PRKCZ: variants seen among roughly 807,000 people sequenced by gnomAD.
The protein encoded by PRKCZ is protein kinase C zeta.
Under a neutral mutation model 79.5 loss-of-function variants are expected in PRKCZ, and 33 were observed. That is an observed-to-expected ratio of 0.41 (90% CI 0.31 to 0.55). The LOEUF (loss-of-function observed/expected upper bound fraction) is 0.55, where lower values mean the gene tolerates loss of function less well. Ranked by LOEUF, PRKCZ falls within the 20% of genes least tolerant of loss-of-function variation. The pLI is 0.19. For missense variants in PRKCZ, 578 were observed against 813.5 expected (o/e 0.71, Z 3.52); for synonymous variants, 342 against 320.9 (o/e 1.07, Z -0.70).
intron 4 of PRKCZ, among the ~76,000 whole-genome samples, chr1:2,074,465 C>A (rs1056503714): frequency 6.6e-6 from 1 of 152,182 alleles, no homozygotes; most frequent in Admixed American, 6.5e-5. Flanking sequence ...GACGGATGGC[C>A]GCTTCGTCTC....
Position 2,185,232 on chromosome 1 carries a change from G to T in PRKCZ, c.*223G>T, listed in dbSNP as rs1687402109. The T allele has an allele frequency of 1.4e-6, 1 of 709,164 alleles. No individual in the cohort carries two copies. The highest frequency in any genetic ancestry group is 2.6e-6 in the Non-Finnish European group (1 of 382,410). 43.9% of individuals were successfully genotyped at this position (709,164 alleles called of 1,614,324 possible). ...CTTCGTGCTGGAGGAACTTGCTGCT[G>T]TGCCTGCGTCGCGGCGGATCCGCGG... On this transcript the variant is annotated 3_prime_UTR_variant, in exon 18 of 18. Coordinates refer to ENST00000378567, the MANE Select transcript of PRKCZ (RefSeq NM_002744.6).
At chr1:2,121,033 C>T (rs569586740) in intron 4 of PRKCZ, among the ~76,000 whole-genome samples, 81 of 152,198 alleles carry the variant, frequency 5.3e-4, no homozygotes, top group Non-Finnish European at 1.1e-3. Flanking sequence ...AGGCTGGTCT[C>T]GAACTCCTGA....
At chr1:2,083,221 T>C (rs1201751788) in intron 4 of PRKCZ, among the ~76,000 whole-genome samples, 1 of 152,080 alleles carries the variant, frequency 6.6e-6, no homozygotes, top group Non-Finnish European at 1.5e-5. Flanking sequence ...GGGAGGTGGC[T>C]GCGTCCATGT....
intron 4 of PRKCZ, among the ~76,000 whole-genome samples, chr1:2,100,502 C>T (rs558216730): frequency 6.6e-6 from 1 of 152,384 alleles, no homozygotes; most frequent in African/African-American, 2.4e-5. Context: ...CCTCCAGGCA[C>T]TGGCTCTCAG....
intron 9 of PRKCZ, among the ~76,000 whole-genome samples, chr1:2,152,938 A>G (rs751515425): frequency 6.6e-6 from 1 of 152,250 alleles, no homozygotes; most frequent in Non-Finnish European, 1.5e-5. Context: ...GAGTGGTGCC[A>G]CTGTGAAGGT....
chr1:2,056,430 C>T, intron 2 of PRKCZ, 54 bp from the exon 3 acceptor site: 4 of 1,522,780 alleles, frequency 2.6e-6, no homozygotes, highest in Non-Finnish European at 3.6e-6. Flanking sequence ...CTCGTCACAG[C>T]CCCCTTTGCC....
intron 4 of PRKCZ, among the ~76,000 whole-genome samples, chr1:2,105,825 G>A (rs1008962923): frequency 5.9e-5 from 9 of 152,352 alleles, no homozygotes; most frequent in African/African-American, 1.7e-4. Flanking sequence ...AGGTGATGCC[G>A]GGAAGGTCAC....
At chr1:2,055,246 T>G (rs529088789) in intron 1 of PRKCZ, among the ~76,000 whole-genome samples, 195 bp from the exon 2 acceptor site, 1 of 145,910 alleles carries the variant, frequency 6.9e-6, no homozygotes, top group African/African-American at 2.6e-5. Flanking sequence ...TTGGCAATGG[T>G]GGCCATTTTT....
intron 6 of PRKCZ, chr1:2,145,607 T>C: frequency 5.3e-6 from 1 of 188,872 alleles, no homozygotes; most frequent in South Asian, 9.0e-5. Context: ...TGTGTAAATA[T>C]GTAAATCATA....
chr1:2,181,169 C>T (rs1232205982), intron 16 of PRKCZ, among the ~76,000 whole-genome samples: 2 of 151,946 alleles, frequency 1.3e-5, no homozygotes, highest in Admixed American at 6.6e-5. Context: ...GTCCAAAAGC[C>T]TCCTCCCCCT....
At position 2,122,712 on chromosome 1, in the gene PRKCZ, T is replaced by C. The variant is rs1426099270; in HGVS notation, c.335-12550T>C. 2.1e-3 allele frequency among the ~76,000 whole-genome samples: 11 copies of C among 5,256 alleles called. 1 individual carries two copies. Among genetic ancestry groups the C allele is most frequent in the African/African-American group, 2.1e-3 (1 of 486 alleles). 3.4% of individuals were successfully genotyped at this position (5,256 alleles called of 152,430 possible). A position where few individuals can be genotyped will look rare whatever the true frequency, so the allele number is the denominator to read the frequency against. The stretch of plus-strand genomic sequence containing the variant: ...TGGTTAGGGTTGTGGTGGTTAGGGT[T>C]GTGGTGGTTAGGGTCGTGGTGGTTA... On this transcript the variant is annotated intron_variant, in intron 4 of 17. Transcript: ENST00000378567.
chr1:2,055,180 G>C (rs1321232029), intron 1 of PRKCZ, among the ~76,000 whole-genome samples: 1 of 151,724 alleles, frequency 6.6e-6, no homozygotes, highest in African/African-American at 2.4e-5. Flanking sequence ...CTGACCTCGT[G>C]ATCCACCCGC....
chr1:2,155,228 G>A (rs1354435568), intron 9 of PRKCZ, among the ~76,000 whole-genome samples: 1 of 151,984 alleles, frequency 6.6e-6, no homozygotes, highest in Non-Finnish European at 1.5e-5. Context: ...TGGTGATGGC[G>A]ATGACTGTGA....
At chr1:2,059,497 C>T (rs778291581) in intron 3 of PRKCZ, 44 bp from the exon 4 acceptor site, 2 of 1,609,264 alleles carry the variant, frequency 1.2e-6, no homozygotes, top group East Asian at 2.2e-5. Flanking sequence ...TGTTGAGTGG[C>T]AGCCGCAGGG....
intron 4 of PRKCZ, among the ~76,000 whole-genome samples, chr1:2,112,499 T>C (rs1669940238): frequency 6.6e-6 from 1 of 152,198 alleles, no homozygotes; most frequent in African/African-American, 2.4e-5. Flanking sequence ...AGGCCCATGC[T>C]GAGGTCCCGG....
chr1:2,165,459 G>A lies in PRKCZ; in HGVS notation c.975-4059G>A, dbSNP rs896442985. Among the ~76,000 whole-genome samples, 1 of 152,216 alleles carries A rather than the reference G, an allele frequency of 6.6e-6. No individual in the cohort carries two copies. The highest frequency in any genetic ancestry group is 2.4e-5 in the African/African-American group (1 of 41,446). ...CTTCCCCATCTGTAAAATGGCGAGA[G>A]CTGAACTTACTTCCTGGTGATGGGG... On this transcript the variant is annotated intron_variant, in intron 10 of 17. Coordinates refer to ENST00000378567, the MANE Select transcript of PRKCZ (RefSeq NM_002744.6). The surrounding 1 kb of genome is among the most constrained non-coding windows in gnomAD (Gnocchi z 4.1).
chr1:2,070,009 T>C (rs1440167437), intron 4 of PRKCZ, among the ~76,000 whole-genome samples: 1 of 152,164 alleles, frequency 6.6e-6, no homozygotes, highest in Admixed American at 6.5e-5. Context: ...CAGACCCTGC[T>C]GAGGGCAGCG....
chr1:2,067,132 A>G (rs1010585683), intron 4 of PRKCZ, among the ~76,000 whole-genome samples: 4 of 152,170 alleles, frequency 2.6e-5, no homozygotes, highest in African/African-American at 9.7e-5. Flanking sequence ...GTTGGAGAAT[A>G]TACTTTGGAT....
At chr1:2,176,603 A>G (rs1175898406) in intron 16 of PRKCZ, among the ~76,000 whole-genome samples, 5 of 152,256 alleles carry the variant, frequency 3.3e-5, no homozygotes, top group African/African-American at 1.2e-4. Flanking sequence ...CGTTCAGTGC[A>G]TTTTGGAGGA....
Sources: allele counts gnomAD v4.1 joint callset (sites outside exome capture counted in the v4.1 genomes callset), GRCh38; gene constraint gnomAD v4.1.1; non-coding constraint Gnocchi (gnomAD v3.1); transcripts MANE v1.5; gene names NCBI Gene and HGNC (gene_info 2026-07-23, HGNC 2026-07-21).